Variants in CCNT1 observed in about 807,000 individuals in gnomAD.
CCNT1 encodes the protein cyclin-T1.
In CCNT1, 18 loss-of-function variants were observed where a neutral mutation model predicts 67.3. That is an observed-to-expected ratio of 0.27 (90% CI 0.18 to 0.40). The LOEUF (loss-of-function observed/expected upper bound fraction) is 0.40, where lower values mean the gene tolerates loss of function less well. CCNT1 is among the 10% of genes least tolerant of loss of function. CCNT1 has a pLI of 1.00. For missense variants in CCNT1, 744 were observed against 884.9 expected (o/e 0.84, Z 2.02); for synonymous variants, 333 against 310.3 (o/e 1.07, Z -0.77).
At chr12:48,702,424 C>G (rs1940285618) in intron 3 of CCNT1, among the ~76,000 whole-genome samples, 1 of 152,254 alleles carries the variant, frequency 6.6e-6, no homozygotes, top group Admixed American at 6.5e-5. Flanking sequence ...CCATTCATCA[C>G]TTGAAATGTA....
intron 3 of CCNT1, among the ~76,000 whole-genome samples, chr12:48,704,549 G>A (rs1219882218): frequency 6.6e-6 from 1 of 152,184 alleles, no homozygotes; most frequent in Admixed American, 6.5e-5. Context: ...AGTGGCTCAT[G>A]CCTGTAATCC....
At position 48,692,934 on chromosome 12, in the gene CCNT1, G is replaced by T; in HGVS notation, c.*99C>A. 2 of 776,484 alleles carry T rather than the reference G, an allele frequency of 2.6e-6. No homozygotes were observed. The highest frequency in any genetic ancestry group is 2.0e-6 in the Non-Finnish European group (1 of 494,694). The allele number at this position is 776,484 out of a possible 1,614,324, so 48.1% of individuals were successfully genotyped here. On this transcript the variant is annotated 3_prime_UTR_variant, in exon 9 of 9. Coordinates refer to ENST00000261900, the MANE Select transcript of CCNT1 (RefSeq NM_001240.4). ...ATATCAATTTATTCCCTAGTCCAAGGATGACATATTTCATAAGTAATTTTC... is the reference window on the plus strand; with the variant it reads ...ATATCAATTTATTCCCTAGTCCAAGTATGACATATTTCATAAGTAATTTTC...
At chr12:48,695,947 T>C (rs951258006) in intron 7 of CCNT1, 52 bp downstream of exon 7, 8 of 1,597,992 alleles carry the variant, frequency 5.0e-6, no homozygotes, top group African/African-American at 2.7e-5. Flanking sequence ...TGGCCAGCTA[T>C]GTGACAGATC....
intron 2 of CCNT1, among the ~76,000 whole-genome samples, chr12:48,712,042 T>C (rs1786791312): frequency 6.6e-6 from 1 of 152,064 alleles, no homozygotes; most frequent in South Asian, 2.1e-4. Context: ...GATCCGCCCA[T>C]CTTGGCCTCC....
intron 6 of CCNT1, among the ~76,000 whole-genome samples, chr12:48,696,677 T>C (rs1409254292): frequency 6.6e-6 from 1 of 152,224 alleles, no homozygotes; most frequent in Non-Finnish European, 1.5e-5. Flanking sequence ...AACAGACAAC[T>C]ACTCTCTCAA....
chr12:48,712,585 AAAAAAAAAAT>A (rs1195957251), intron 2 of CCNT1, among the ~76,000 whole-genome samples: 15,139 of 53,736 alleles, frequency 0.28, 1,056 homozygotes, highest in Non-Finnish European at 0.34. Context: ...TCCTTAAAAA[AAAAAAAAAAT>A]AAAAAAAAAA....
In CCNT1 at chr12:48,697,522, T is replaced by TAAAAAA. The variant is rs1205232506; in HGVS notation, c.542+610_542+615dup. On this transcript the variant is annotated intron_variant, in intron 6 of 8. Coordinates refer to ENST00000261900, the MANE Select transcript of CCNT1 (RefSeq NM_001240.4). ...TGGTAGACAGAGTGAGACTCTGTCT[T>TAAAAAA]AAAAAAAAAAAAATATATATATATA... Among the ~76,000 whole-genome samples the TAAAAAA allele has an allele frequency of 2.1e-3, 243 of 116,554 alleles. 1 individual carries two copies. The highest frequency in any genetic ancestry group is 7.9e-3 in the African/African-American group (231 of 29,242). 76.5% of individuals were successfully genotyped at this position (116,554 alleles called of 152,430 possible).
intron 1 of CCNT1, 86 bp from the exon 2 acceptor site, chr12:48,714,610 G>A (rs1940505758): frequency 1.3e-6 from 1 of 755,610 alleles, no homozygotes; most frequent in Non-Finnish European, 2.4e-6. Context: ...AGGATGAAAT[G>A]GCCAAGCAAG....
intron 2 of CCNT1, among the ~76,000 whole-genome samples, chr12:48,712,956 A>C (rs12812132): frequency 0.065 from 9,849 of 152,068 alleles, 438 homozygotes; most frequent in Non-Finnish European, 0.095. Flanking sequence ...AAAAAAAATC[A>C]ATCCATATGA....
chr12:48,700,681 C>T (rs542958515), intron 4 of CCNT1, among the ~76,000 whole-genome samples: 54 of 152,296 alleles, frequency 3.5e-4, no homozygotes, highest in African/African-American at 1.3e-3. Flanking sequence ...AATGCTGTTA[C>T]AGGCCATAAC....
intron 3 of CCNT1, among the ~76,000 whole-genome samples, chr12:48,701,761 C>T (rs1940273385): frequency 6.6e-6 from 1 of 151,918 alleles, no homozygotes; most frequent in Non-Finnish European, 1.5e-5. Context: ...CATGCACCAC[C>T]ACACCCAGCT....
rs140668497 is a variant in CCNT1, at chr12:48,703,733, G to A, written c.372+2035C>T. Reference sequence around the variant, plus strand: ...GCGAATTACTTGAGCTCAGGAGGTCGAGAGCAGCCTGGGCAACATGGTGAA... The same window carrying A: ...GCGAATTACTTGAGCTCAGGAGGTCAAGAGCAGCCTGGGCAACATGGTGAA... On this transcript the variant is annotated intron_variant, in intron 3 of 8. Transcript: ENST00000261900. 7.2e-3 allele frequency among the ~76,000 whole-genome samples: 1,101 copies of A among 151,968 alleles called. 15 individuals are homozygous for A. The highest frequency in any genetic ancestry group is 0.025 in the African/African-American group (1,040 of 41,376).
intron 8 of CCNT1, 33 bp from the exon 9 acceptor site, chr12:48,694,469 G>C (rs538166862): frequency 1.3e-6 from 2 of 1,564,398 alleles, no homozygotes; most frequent in Admixed American, 1.8e-5. Flanking sequence ...TCTTTACTTA[G>C]GTAATTTACT....
At chr12:48,713,891 C>A (rs1167946576) in intron 2 of CCNT1, among the ~76,000 whole-genome samples, 2 of 151,988 alleles carry the variant, frequency 1.3e-5, no homozygotes, top group South Asian at 4.2e-4. Context: ...GTCTGATAAT[C>A]TGTTTTTTGG....
intron 2 of CCNT1, among the ~76,000 whole-genome samples, chr12:48,710,491 C>G (rs1940432311): frequency 6.6e-6 from 1 of 152,136 alleles, no homozygotes; most frequent in Non-Finnish European, 1.5e-5. Flanking sequence ...AAAAGAATAT[C>G]CCTATACTAG....
At chr12:48,702,198 TA>T (rs1313124640) in intron 3 of CCNT1, among the ~76,000 whole-genome samples, 2 of 152,190 alleles carry the variant, frequency 1.3e-5, no homozygotes, top group Non-Finnish European at 2.9e-5. Flanking sequence ...CGCCTGGCCA[TA>T]AAGTATATAT....
intron 1 of CCNT1, among the ~76,000 whole-genome samples, chr12:48,715,553 C>A (rs895226329): frequency 2.6e-5 from 4 of 152,094 alleles, no homozygotes; most frequent in African/African-American, 9.6e-5. Flanking sequence ...CTCCGCCTCC[C>A]GGGTTCAAGC....
chr12:48,697,143 G>C (rs1281317791), intron 6 of CCNT1, among the ~76,000 whole-genome samples: 3 of 152,052 alleles, frequency 2.0e-5, no homozygotes, highest in African/African-American at 4.8e-5. Context: ...TTTTTAAAAA[G>C]GGAAGAAGGA....
intron 2 of CCNT1, among the ~76,000 whole-genome samples, chr12:48,712,359 C>T (rs559809166): frequency 3.3e-5 from 5 of 151,652 alleles, no homozygotes; most frequent in Non-Finnish European, 5.9e-5. Flanking sequence ...CGGCTCACCA[C>T]AACCTCGGCC....
Sources: allele counts gnomAD v4.1 joint callset (sites outside exome capture counted in the v4.1 genomes callset), GRCh38; gene constraint gnomAD v4.1.1; transcripts MANE v1.5; gene names NCBI Gene and HGNC (gene_info 2026-07-23, HGNC 2026-07-21).